DNAH12: variants seen among roughly 807,000 people sequenced by gnomAD.
DNAH12 encodes dynein axonemal heavy chain 12.
In DNAH12, 285 loss-of-function variants were observed where a neutral mutation model predicts 371.5. That is an observed-to-expected ratio of 0.77 (90% CI 0.70 to 0.85). The LOEUF is 0.85. Among genes scored for constraint, DNAH12 ranks in the 40% least tolerant of loss-of-function variants. The probability of loss-of-function intolerance (pLI) is 0.00; values close to 1 mark genes in which losing one functional copy is unlikely to be tolerated. For missense variants in DNAH12, 3,611 were observed against 3,689.4 expected (o/e 0.98, Z 0.55); for synonymous variants, 1,200 against 1,213.0 (o/e 0.99, Z 0.22).
chr3:57,431,073 G>A (rs1414747013), intron 32 of DNAH12, among the ~76,000 whole-genome samples: 4 of 152,130 alleles, frequency 2.6e-5, no homozygotes, highest in Non-Finnish European at 4.4e-5. Context: ...TGGACATGCT[G>A]GTCTAGAATA....
At chr3:57,489,930 T>C (rs757273520) in intron 11 of DNAH12, among the ~76,000 whole-genome samples, 1 of 152,118 alleles carries the variant, frequency 6.6e-6, no homozygotes, top group Non-Finnish European at 1.5e-5. Flanking sequence ...TCTGAACATA[T>C]CACACGGTAA....
At chr3:57,317,164 T>C (rs492202) in intron 65 of DNAH12, among the ~76,000 whole-genome samples, 73,384 of 151,968 alleles carry the variant, frequency 0.48, 19,069 homozygotes, top group East Asian at 0.92. Context: ...GGCTGTTGCG[T>C]GCAGTTGAAC....
chr3:57,452,013 C>T (rs1340067504), intron 25 of DNAH12, among the ~76,000 whole-genome samples: 3 of 152,134 alleles, frequency 2.0e-5, no homozygotes, highest in African/African-American at 4.8e-5. Context: ...TGTGCTTTAC[C>T]CCCTTTCGTT....
intron 2 of DNAH12, chr3:57,530,612 G>A (rs1264488639): frequency 1.7e-6 from 1 of 585,624 alleles, no homozygotes; most frequent in Non-Finnish European, 3.2e-6. Flanking sequence ...TGCAGCCCAG[G>A]GACAATGTAT....
intron 11 of DNAH12, among the ~76,000 whole-genome samples, chr3:57,492,707 A>G (rs1052677116): frequency 1.8e-4 from 27 of 152,184 alleles, no homozygotes; most frequent in Admixed American, 1.5e-3. Context: ...TAAGGAAATA[A>G]TCATTTTCAA....
At chr3:57,463,792 G>T (rs892435030) in intron 17 of DNAH12, among the ~76,000 whole-genome samples, 9 of 151,940 alleles carry the variant, frequency 5.9e-5, no homozygotes, top group African/African-American at 1.9e-4. Flanking sequence ...TATTTAGACA[G>T]AATCTTGCTC....
intron 69 of DNAH12, among the ~76,000 whole-genome samples, chr3:57,306,030 GC>G (rs2061462679): frequency 6.6e-6 from 1 of 152,168 alleles, no homozygotes; most frequent in African/African-American, 2.4e-5. Flanking sequence ...TCCCATCTGT[GC>G]GGGACCCCAC....
intron 11 of DNAH12, among the ~76,000 whole-genome samples, chr3:57,499,647 A>AAAAAAAT: frequency 5.6e-5 from 1 of 17,946 alleles, no homozygotes. Context: ...AAAAAAAAAA[A>AAAAAAAT]ATATATATAT....
intron 11 of DNAH12, among the ~76,000 whole-genome samples, chr3:57,499,705 G>C (rs2067465193): frequency 2.5e-5 from 3 of 122,292 alleles, no homozygotes; most frequent in Non-Finnish European, 4.9e-5. Flanking sequence ...CAGGCATGGA[G>C]GTGTACGCTT....
At chr3:57,322,539 G>C in intron 64 of DNAH12, 56 bp from the exon 65 acceptor site, 1 of 1,502,474 alleles carries the variant, frequency 6.7e-7, no homozygotes, top group Admixed American at 2.3e-5. Flanking sequence ...GGCTCTAAAA[G>C]TGCATATACA....
intron 43 of DNAH12, among the ~76,000 whole-genome samples, chr3:57,398,906 GTA>G (rs2063799407): frequency 6.6e-6 from 1 of 152,060 alleles, no homozygotes; most frequent in South Asian, 2.1e-4. Flanking sequence ...AGAGAATCCT[GTA>G]TTATTGTAAT....
At chr3:57,464,808 A>G (rs1177130004) in intron 17 of DNAH12, among the ~76,000 whole-genome samples, 1 of 152,258 alleles carries the variant, frequency 6.6e-6, no homozygotes, top group Non-Finnish European at 1.5e-5. Flanking sequence ...TAGATTCTAC[A>G]GACATTTAAA....
intron 12 of DNAH12, among the ~76,000 whole-genome samples, chr3:57,484,883 A>G (rs1007418557): frequency 2.0e-5 from 3 of 152,176 alleles, no homozygotes; most frequent in African/African-American, 7.2e-5. Flanking sequence ...GGCAAAGGAC[A>G]TGAATAGGCA....
rs1188348786 is a variant in DNAH12, at chr3:57,334,813, C to T, written c.9802G>A (p.Ala3268Thr). Residue 3268 changes from alanine to threonine, a missense_variant, in exon 61 of 74, where the codon GCA becomes ACA. Coordinates refer to ENST00000495027, the MANE Select transcript of DNAH12 (RefSeq NM_001366028.2). ...QDKSWEEICR[A>T]SEFPAFRGLR... ...CCTCTGAAGGCAGGAAATTCACTTG[C>T]CCGACAGATTTCCTCCCAGCTTTTG... The T allele has an allele frequency of 1.5e-5, 24 of 1,551,572 alleles. No homozygotes were observed. The highest frequency in any genetic ancestry group is 2.4e-5 in the East Asian group (1 of 40,920).
chr3:57,323,121 A>G lies in DNAH12; in HGVS notation c.10269T>C (p.Asn3423=). 6.4e-7 allele frequency: 1 copy of G among 1,552,430 alleles called. No homozygotes were observed. The highest frequency in any genetic ancestry group is 8.7e-7 in the Non-Finnish European group (1 of 1,147,150). The change falls in exon 64 of 74, where the codon AAT becomes AAC. Residue 3423 remains asparagine, a synonymous_variant. Coordinates refer to ENST00000495027, the MANE Select transcript of DNAH12 (RefSeq NM_001366028.2). ...IEEGTWVCLQ[N]CHLAVSWMPM... ...GCATCCAGGACACTGCAAGATGGCA[A>G]TTCTGTAGGCACACCCAAGTTCCTT...
intron 2 of DNAH12, among the ~76,000 whole-genome samples, chr3:57,540,208 G>A (rs1340900302): frequency 6.6e-6 from 1 of 151,726 alleles, no homozygotes; most frequent in African/African-American, 2.4e-5. Flanking sequence ...CCGCCAAGAC[G>A]CCTGGCTAAT....
intron 32 of DNAH12, among the ~76,000 whole-genome samples, chr3:57,430,151 T>C (rs1455579918): frequency 6.6e-6 from 1 of 152,002 alleles, no homozygotes; most frequent in Non-Finnish European, 1.5e-5. Flanking sequence ...AATTAAAAAA[T>C]AGAAAATAGA....
chr3:57,344,173 T>C (rs1461295261), intron 60 of DNAH12, among the ~76,000 whole-genome samples: 1 of 152,260 alleles, frequency 6.6e-6, no homozygotes, highest in Non-Finnish European at 1.5e-5. Context: ...CCCACCCAAC[T>C]AGAAATACCC....
At chr3:57,491,099 A>AAC (rs1553708752) in intron 11 of DNAH12, among the ~76,000 whole-genome samples, 1 of 112,816 alleles carries the variant, frequency 8.9e-6, no homozygotes, top group Non-Finnish European at 1.7e-5. Flanking sequence ...AAAAAAAAAA[A>AAC]AACAACAAAT....
Sources: allele counts gnomAD v4.1 joint callset (sites outside exome capture counted in the v4.1 genomes callset), GRCh38; gene constraint gnomAD v4.1.1; transcripts MANE v1.5; gene names NCBI Gene and HGNC (gene_info 2026-07-23, HGNC 2026-07-21).